The following NEGR1 variants were observed in gnomAD, a reference collection of about 807,000 sequenced individuals.
The protein encoded by NEGR1 is neuronal growth regulator 1.
NEGR1 carries 10 observed loss-of-function variants against 40.9 expected under a neutral mutation model. The ratio of observed to expected loss-of-function variants is 0.24; its 90% CI spans 0.15 to 0.42. The LOEUF (loss-of-function observed/expected upper bound fraction) is 0.42. Ranked by LOEUF, NEGR1 falls within the 10% of genes least tolerant of loss-of-function variation. The pLI, the probability that NEGR1 is intolerant of heterozygous loss-of-function variation, is 1.00. For synonymous variants in NEGR1, 185 were observed against 166.8 expected, an observed-to-expected ratio of 1.11 and a Z score of -0.84; for missense variants, 352 against 438.9, an observed-to-expected ratio of 0.80 and a Z score of 1.77.
intron 6 of NEGR1, among the ~76,000 whole-genome samples, chr1:71,569,127 A>G (rs1219399131): frequency 1.3e-5 from 2 of 152,014 alleles, no homozygotes; most frequent in Non-Finnish European, 2.9e-5. Context: ...CATGTTAGCC[A>G]AGATGGTCTT....
chr1:71,690,466 G>T (rs1653218586), intron 4 of NEGR1, among the ~76,000 whole-genome samples: 1 of 151,164 alleles, frequency 6.6e-6, no homozygotes, highest in South Asian at 2.1e-4. Context: ...TTAGCAAAAG[G>T]CACCCTGCGA....
intron 1 of NEGR1, among the ~76,000 whole-genome samples, chr1:72,201,322 TTTTATA>T (rs1253667411): frequency 1.3e-5 from 2 of 150,926 alleles, no homozygotes; most frequent in African/African-American, 4.8e-5. Context: ...TTTTATTTTA[TTTTATA>T]TTTATTTTAT....
chr1:71,466,790 G>C (rs1021713842), intron 6 of NEGR1, among the ~76,000 whole-genome samples: 1 of 152,104 alleles, frequency 6.6e-6, no homozygotes, highest in African/African-American at 2.4e-5. Context: ...TGGAGATGCA[G>C]CATGGGTAGA....
chr1:71,499,367 T>C (rs1359069007), intron 6 of NEGR1, among the ~76,000 whole-genome samples: 1 of 151,158 alleles, frequency 6.6e-6, no homozygotes, highest in Non-Finnish European at 1.5e-5. Flanking sequence ...GGCAAAGATG[T>C]ACCATGTGTT....
intron 2 of NEGR1, among the ~76,000 whole-genome samples, chr1:71,858,509 A>G (rs1022542439): frequency 6.6e-6 from 1 of 152,018 alleles, no homozygotes; most frequent in Non-Finnish European, 1.5e-5. Context: ...AGAGTCCTAT[A>G]TTAAATTGCC....
intron 2 of NEGR1, among the ~76,000 whole-genome samples, chr1:71,808,667 A>G (rs1657868548): frequency 6.6e-6 from 1 of 152,198 alleles, no homozygotes. Context: ...TGAAAGCAGT[A>G]ACATGAAAAT....
chr1:71,569,075 C>T lies in NEGR1; in HGVS notation c.940+23742G>A, dbSNP rs528598181. On this transcript the variant is annotated intron_variant, in intron 6 of 6. Coordinates refer to ENST00000357731, the MANE Select transcript of NEGR1 (RefSeq NM_173808.3). ...GGGACTACAGGCACATGCCACGATGCCCGGCTAATTTTTTGTATTTTTAGT... is the reference window on the plus strand; with the variant it reads ...GGGACTACAGGCACATGCCACGATGTCCGGCTAATTTTTTGTATTTTTAGT... Among the ~76,000 whole-genome samples the T allele has an allele frequency of 1.6e-4, 25 of 152,096 alleles. 1 individual carries two copies. In the South Asian group the frequency reaches 5.2e-3, roughly 32 times the overall value.
At chr1:71,530,135 T>C (rs911967887) in intron 6 of NEGR1, among the ~76,000 whole-genome samples, 1 of 151,314 alleles carries the variant, frequency 6.6e-6, no homozygotes, top group African/African-American at 2.4e-5. Context: ...CTGTGCTGAG[T>C]TATTTTACAT....
chr1:71,990,311 CATT>C (rs759515382), intron 1 of NEGR1, among the ~76,000 whole-genome samples: 9 of 152,112 alleles, frequency 5.9e-5, no homozygotes, highest in Non-Finnish European at 1.3e-4. Flanking sequence ...TCTTCAATAA[CATT>C]ATTATTTAAT....
intron 2 of NEGR1, among the ~76,000 whole-genome samples, chr1:71,860,384 T>G (rs2101822243): frequency 6.6e-6 from 1 of 152,116 alleles, no homozygotes; most frequent in Non-Finnish European, 1.5e-5. Context: ...CAGCAATCTA[T>G]TCACAATCTT....
Position 72,249,368 on chromosome 1 carries a change from TA to T in NEGR1, c.176+32950del, listed in dbSNP as rs1655009940. On this transcript the variant is annotated intron_variant, in intron 1 of 6. Transcript: ENST00000357731. ...TTTTGTTATAGCAGCACAGATGGGC[TA>T]AAATATGTTTATTCTTCTTATGATT... Among the ~76,000 whole-genome samples, 7 of 152,218 alleles carry T rather than the reference TA, an allele frequency of 4.6e-5. No individual in the cohort carries two copies. In the South Asian group the frequency reaches 1.4e-3, roughly 32 times the overall value.
intron 1 of NEGR1, among the ~76,000 whole-genome samples, chr1:72,110,544 G>C (rs1249826218): frequency 6.6e-6 from 1 of 151,296 alleles, no homozygotes; most frequent in Non-Finnish European, 1.5e-5. Context: ...TTTCAACGCT[G>C]AATTATTATT....
At position 71,618,171 on chromosome 1, in the gene NEGR1, G is replaced by A. The variant is rs562678069; in HGVS notation, c.668-7025C>T. Among the ~76,000 whole-genome samples the A allele has an allele frequency of 3.6e-4, 55 of 152,292 alleles. No homozygotes were observed. The South Asian group carries it at 0.011, about 30-fold the overall frequency. ...CAGGACCTTATTTCTCCCAGCTGGT[G>A]CATGATCGTCTTGCTCAGCTTTCGA... On this transcript the variant is annotated intron_variant, in intron 4 of 6. Transcript: ENST00000357731.
At chr1:71,941,760 T>TATGAAC (rs1553123388) in intron 1 of NEGR1, among the ~76,000 whole-genome samples, 3 of 152,194 alleles carry the variant, frequency 2.0e-5, no homozygotes, top group Non-Finnish European at 2.9e-5. Flanking sequence ...TTAACATTAC[T>TATGAAC]ATGCACCAGA....
chr1:72,247,326 C>T (rs1654934341), intron 1 of NEGR1, among the ~76,000 whole-genome samples: 2 of 152,104 alleles, frequency 1.3e-5, no homozygotes, highest in South Asian at 2.1e-4. Flanking sequence ...ATTTTCCAAA[C>T]GTTTATGCTT....
intron 3 of NEGR1, among the ~76,000 whole-genome samples, chr1:71,769,738 A>C (rs12562745): frequency 0.29 from 44,033 of 152,094 alleles, 8,047 homozygotes; most frequent in East Asian, 0.58. Context: ...TAAATTACCC[A>C]GTCTTGGGTA....
intron 1 of NEGR1, among the ~76,000 whole-genome samples, chr1:72,209,061 T>G (rs2100459992): frequency 6.6e-6 from 1 of 151,834 alleles, no homozygotes; most frequent in African/African-American, 2.4e-5. Context: ...GTAATTATTT[T>G]GAAGTAACTG....
intron 1 of NEGR1, among the ~76,000 whole-genome samples, chr1:72,197,132 C>G (rs1239061281): frequency 2.0e-5 from 3 of 151,868 alleles, no homozygotes; most frequent in East Asian, 1.9e-4. Context: ...TTTTTATGTT[C>G]CACTAGAAGT....
At chr1:71,778,741 C>T (rs535414294) in intron 2 of NEGR1, among the ~76,000 whole-genome samples, 1 of 152,162 alleles carries the variant, frequency 6.6e-6, no homozygotes, top group East Asian at 1.9e-4. Context: ...TAATGAAATG[C>T]CATAAGAACA....
Sources: allele counts gnomAD v4.1 joint callset (sites outside exome capture counted in the v4.1 genomes callset), GRCh38; gene constraint gnomAD v4.1.1; transcripts MANE v1.5; gene names NCBI Gene and HGNC (gene_info 2026-07-23, HGNC 2026-07-21).